CFAP95: variants seen among roughly 807,000 people sequenced by gnomAD.
CFAP95 encodes cilia and flagella associated protein 95.
chr9:69,903,008 G>A, the CFAP95 span, among the ~76,000 whole-genome samples: 478 of 152,252 alleles, frequency 3.1e-3, 1 homozygote, highest in African/African-American at 0.011. Context: ...TTAATAAGAT[G>A]TACAAAATCC....
At chr9:69,831,375 C>CT in the CFAP95 span, among the ~76,000 whole-genome samples, 81 of 152,034 alleles carry the variant, frequency 5.3e-4, no homozygotes, top group Non-Finnish European at 8.8e-4. Flanking sequence ...ATTAAATAAG[C>CT]TTTTTTTAAA....
chr9:69,831,567 A>T, the CFAP95 span, among the ~76,000 whole-genome samples: 1 of 152,226 alleles, frequency 6.6e-6, no homozygotes, highest in African/African-American at 2.4e-5. Flanking sequence ...TTACTGTGAG[A>T]TAGGAGTGGG....
At chr9:69,828,299 C>T in the CFAP95 span, among the ~76,000 whole-genome samples, 4 of 152,030 alleles carry the variant, frequency 2.6e-5, no homozygotes, top group Non-Finnish European at 5.9e-5. Flanking sequence ...AAGGCTGGCT[C>T]AGTAAAGTAT....
At chr9:69,900,002 T>TA in the CFAP95 span, among the ~76,000 whole-genome samples, 1 of 152,366 alleles carries the variant, frequency 6.6e-6, no homozygotes, top group African/African-American at 2.4e-5. Context: ...GTCCCTGACT[T>TA]ACGATGGTTC....
chr9:69,858,176 C>T, the CFAP95 span: 1 of 547,466 alleles, frequency 1.8e-6, no homozygotes. Flanking sequence ...ACAGTAAATC[C>T]TCACTATTTG....
the CFAP95 span, among the ~76,000 whole-genome samples, chr9:69,847,906 T>A: frequency 6.6e-6 from 1 of 152,200 alleles, no homozygotes; most frequent in Non-Finnish European, 1.5e-5. Flanking sequence ...TGGCTAAGGC[T>A]CTAAAAGTCT....
the CFAP95 span, among the ~76,000 whole-genome samples, chr9:69,898,486 T>C: frequency 6.6e-6 from 1 of 152,228 alleles, no homozygotes; most frequent in Non-Finnish European, 1.5e-5. Flanking sequence ...GTTTCAAAAA[T>C]GGCACAAGGA....
At chr9:69,832,567 T>C in the CFAP95 span, among the ~76,000 whole-genome samples, 2 of 148,616 alleles carry the variant, frequency 1.3e-5, no homozygotes, top group African/African-American at 4.9e-5. Flanking sequence ...GGGGAATAAC[T>C]CTTAGCTCTG....
At chr9:69,827,256 G>C in the CFAP95 span, among the ~76,000 whole-genome samples, 8 of 152,164 alleles carry the variant, frequency 5.3e-5, no homozygotes, top group Admixed American at 2.0e-4. Context: ...ATATCATGCA[G>C]GCATTTAAGA....
the CFAP95 span, chr9:69,856,656 C>G: frequency 9.5e-5 from 153 of 1,608,660 alleles, 3 homozygotes; most frequent in South Asian, 1.6e-3. Context: ...AAACAGTGAG[C>G]TCCGGGATTA....
At chr9:69,902,752 A>G in the CFAP95 span, among the ~76,000 whole-genome samples, 2 of 151,544 alleles carry the variant, frequency 1.3e-5, no homozygotes, top group Non-Finnish European at 2.9e-5. Flanking sequence ...GCTTTCTTAT[A>G]ATAATTATAC....
chr9:69,873,453 G>A, the CFAP95 span, among the ~76,000 whole-genome samples: 1 of 152,076 alleles, frequency 6.6e-6, no homozygotes, highest in Non-Finnish European at 1.5e-5. Flanking sequence ...TGTGAATGAT[G>A]GTTGCTGTTA....
At chr9:69,842,495 A>G in the CFAP95 span, among the ~76,000 whole-genome samples, 1 of 152,218 alleles carries the variant, frequency 6.6e-6, no homozygotes, top group African/African-American at 2.4e-5. Flanking sequence ...TGTATACCAG[A>G]TTTTGGAGCC....
At chr9:69,901,702 C>G in the CFAP95 span, among the ~76,000 whole-genome samples, 12 of 152,028 alleles carry the variant, frequency 7.9e-5, no homozygotes, top group African/African-American at 2.9e-4. Flanking sequence ...GGGTATATGC[C>G]CAGTAATGAG....
the CFAP95 span, among the ~76,000 whole-genome samples, chr9:69,895,071 G>A: frequency 1.3e-5 from 2 of 151,814 alleles, no homozygotes; most frequent in East Asian, 3.9e-4. Context: ...TAGGTTATTT[G>A]CCCTGTAGTT....
At chr9:69,857,892 A>G in the CFAP95 span, 2 of 1,611,140 alleles carry the variant, frequency 1.2e-6, no homozygotes, top group South Asian at 1.1e-5. Flanking sequence ...TTCTAAAAAA[A>G]TGTTATCTTG....
At chr9:69,829,604 C>G in the CFAP95 span, among the ~76,000 whole-genome samples, 1 of 152,194 alleles carries the variant, frequency 6.6e-6, no homozygotes, top group Non-Finnish European at 1.5e-5. Context: ...TTAGAGTCCT[C>G]TCCTTGTTGT....
the CFAP95 span, among the ~76,000 whole-genome samples, chr9:69,851,057 G>A: frequency 6.6e-6 from 1 of 152,126 alleles, no homozygotes; most frequent in Non-Finnish European, 1.5e-5. Flanking sequence ...TTCATTTGCT[G>A]CTCCTTTTCT....
the CFAP95 span, among the ~76,000 whole-genome samples, chr9:69,876,468 G>T: frequency 6.6e-6 from 1 of 151,972 alleles, no homozygotes; most frequent in Non-Finnish European, 1.5e-5. Flanking sequence ...GGGAGGCAGA[G>T]GTTGCAGTGA....
Sources: allele counts gnomAD v4.1 joint callset (sites outside exome capture counted in the v4.1 genomes callset), GRCh38; gene constraint gnomAD v4.1.1; transcripts MANE v1.5; gene names NCBI Gene and HGNC (gene_info 2026-07-23, HGNC 2026-07-21).